The following MCM4 variants were observed in gnomAD, a reference collection of about 807,000 sequenced individuals.
MCM4 encodes the protein minichromosome maintenance complex component 4.
A neutral mutation model predicts 88.7 loss-of-function variants in MCM4; 60 were observed. That is an observed-to-expected ratio of 0.68 (90% CI 0.55 to 0.84). The LOEUF (loss-of-function observed/expected upper bound fraction) is 0.84. Ranked by LOEUF, MCM4 falls within the 40% of genes least tolerant of loss-of-function variation. The probability of loss-of-function intolerance (pLI) is 0.00; values close to 1 mark genes in which losing one functional copy is unlikely to be tolerated. For synonymous variants in MCM4, 465 were observed against 410.5 expected, an observed-to-expected ratio of 1.13 and a Z score of -1.61; for missense variants, 1,149 against 1,105.5, an observed-to-expected ratio of 1.04 and a Z score of -0.56.
In MCM4 at chr8:47,975,787, G is replaced by C; in HGVS notation, c.2438G>C (p.Gly813Ala). The C allele has an allele frequency of 6.3e-7, 1 of 1,587,038 alleles. No homozygotes were observed. Among genetic ancestry groups the C allele is most frequent in the South Asian group, 1.2e-5 (1 of 84,522 alleles). Residue 813 changes from glycine (G) to alanine (A), a missense_variant, in exon 16 of 17, where the codon GGC becomes GCC. Physicochemically the swap from Gly to Ala is moderately conservative, Grantham distance 60. Transcript: ENST00000649973. ...TTGAAAAAGCTTATTTTATCTAAGG[G>C]CAAAACACCAGCTCTAAAATACCAG... ...EALKKLILSKGKTPALKYQQL... is the reference protein window; with the variant it reads ...EALKKLILSKAKTPALKYQQL...
In MCM4 at chr8:47,960,952, G is replaced by A. The variant is rs921147935; in HGVS notation, c.-77G>A. 15 of 549,980 alleles carry A rather than the reference G, an allele frequency of 2.7e-5. No homozygotes were observed. The highest frequency in any genetic ancestry group is 3.9e-5 in the Non-Finnish European group (13 of 332,546). The allele number at this position is 549,980 out of a possible 1,614,324, so 34.1% of individuals were successfully genotyped here. On this transcript the variant is annotated 5_prime_UTR_variant, in exon 1 of 17. Coordinates refer to ENST00000649973, the MANE Select transcript of MCM4 (RefSeq NM_182746.3). ...GAACTCTGGGTCTCGCGGTTTGGGA[G>A]CGCTACTCGCCAGGTGGACTCGGAG...
chr8:47,966,532 T>A lies in MCM4; in HGVS notation c.1053+125T>A, dbSNP rs6991519. ...AATGGCATCCATCCCTCTCTGGTCT[T>A]GTGGGTTTCGTTAGTGGCCTATGGG... On this transcript the variant is annotated intron_variant, in intron 9 of 16. Coordinates refer to ENST00000649973, the MANE Select transcript of MCM4 (RefSeq NM_182746.3). 3 of 990,066 alleles carry A rather than the reference T, an allele frequency of 3.0e-6. No homozygotes were observed. The Admixed American group carries it at 7.7e-5, about 25-fold the overall frequency. 61.3% of individuals were successfully genotyped at this position (990,066 alleles called of 1,614,324 possible). A position where few individuals can be genotyped will look rare whatever the true frequency, so the allele number is the denominator to read the frequency against.
intron 9 of MCM4, among the ~76,000 whole-genome samples, chr8:47,967,099 AG>A: frequency 6.6e-6 from 1 of 152,362 alleles, no homozygotes. Context: ...TGGTTTGGAA[AG>A]GCCTTCCTCG....
intron 16 of MCM4, 43 bp from the exon 17 acceptor site, chr8:47,976,643 G>A (rs754134597): frequency 1.5e-6 from 2 of 1,356,090 alleles, no homozygotes; most frequent in Non-Finnish European, 1.1e-6. Flanking sequence ...GTAAAGGAGG[G>A]ACTTGACGTG....
rs1563836393 is a variant in MCM4, at chr8:47,974,946, A to G, written c.2349A>G (p.Ile783Met). ...ATDPRTGIVD[I>M]SILTTGMSAT... Reference sequence around the variant, plus strand: ...ATCCCCGGACTGGCATCGTGGACATATCTATTCTTACTACGGGTTCGTTAT... The same window carrying G: ...ATCCCCGGACTGGCATCGTGGACATGTCTATTCTTACTACGGGTTCGTTAT... The change falls in exon 15 of 17, where the codon ATA (isoleucine) becomes ATG (methionine). Residue 783 changes from isoleucine to methionine, a missense_variant. Physicochemically the swap from Ile to Met is conservative, Grantham distance 10 (BLOSUM62 1). Coordinates refer to ENST00000649973, the MANE Select transcript of MCM4 (RefSeq NM_182746.3). 1.2e-6 allele frequency: 2 copies of G among 1,612,548 alleles called. No individual in the cohort carries two copies. The highest frequency in any genetic ancestry group is 4.5e-5 in the East Asian group (2 of 44,854).
chr8:47,962,417 T>A lies in MCM4; in HGVS notation c.501+11T>A, dbSNP rs771032555. On this transcript the variant is annotated intron_variant, in intron 5 of 16. Transcript: ENST00000649973. ...AAAGAAAACTTTCAGGTGAGCTACA[T>A]GTATTAAAATTCTTACTTTGGGCTC... 6.2e-7 allele frequency: 1 copy of A among 1,612,974 alleles called. No homozygotes were observed. Among genetic ancestry groups the A allele is most frequent in the Non-Finnish European group, 8.5e-7 (1 of 1,179,052 alleles).
At chr8:47,967,867 C>A (rs1028998486) in intron 10 of MCM4, among the ~76,000 whole-genome samples, 3 of 152,190 alleles carry the variant, frequency 2.0e-5, no homozygotes, top group Non-Finnish European at 4.4e-5. Context: ...AGAAGTATTA[C>A]TCACCAATGC....
intron 13 of MCM4, among the ~76,000 whole-genome samples, chr8:47,972,057 C>T (rs1001932658): frequency 6.6e-6 from 1 of 151,710 alleles, no homozygotes; most frequent in African/African-American, 2.4e-5. Context: ...CTTGATGAAA[C>T]CCCATCTCTA....
chr8:47,969,784 G>C lies in MCM4; in HGVS notation c.1175-14G>C, dbSNP rs766056622. 3.1e-6 allele frequency: 5 copies of C among 1,612,962 alleles called. No homozygotes were observed. In the South Asian group the frequency reaches 5.5e-5, roughly 18 times the overall value. ...ATGGGAAGGTAAAAGTGCATCTCCT[G>C]GTTGTGCCCTCAGGCATCTATCGAG... On this transcript the variant is annotated splice_polypyrimidine_tract_variant and intron_variant, in intron 10 of 16. Coordinates refer to ENST00000649973, the MANE Select transcript of MCM4 (RefSeq NM_182746.3).
chr8:47,964,863 C>T (rs769462149), intron 8 of MCM4, 151 bp downstream of exon 8: 1 of 616,958 alleles, frequency 1.6e-6, no homozygotes, highest in South Asian at 2.4e-5. Flanking sequence ...ATTCAGTTAT[C>T]CTATATACTT....
Position 47,961,029 on chromosome 8 carries a change from G to T in MCM4, c.-15+15G>T. On this transcript the variant is annotated intron_variant, in intron 1 of 16. Coordinates refer to ENST00000649973, the MANE Select transcript of MCM4 (RefSeq NM_182746.3). ...GCCTTTCCACGGTAACCGCGCGCCG[G>T]CGGGGAGGGCGTGGCGCGGAGCCGA... 3 of 1,142,792 alleles carry T rather than the reference G, an allele frequency of 2.6e-6. No individual in the cohort carries two copies. The highest frequency in any genetic ancestry group is 3.5e-6 in the Non-Finnish European group (3 of 856,080). The allele number at this position is 1,142,792 out of a possible 1,614,324, so 70.8% of individuals were successfully genotyped here.
rs762053656 is a variant in MCM4 at position 47,966,289 on chromosome 8, C to T, written c.935C>T (p.Thr312Met). ...AFFQCQVCAH[T>M]TRVEMDRGRI... Reference sequence around the variant, plus strand: ...TTCCAGTGCCAAGTGTGTGCCCACACGACCCGGGTGGAGATGGACCGCGGC... The same window carrying T: ...TTCCAGTGCCAAGTGTGTGCCCACATGACCCGGGTGGAGATGGACCGCGGC... The change falls in exon 9 of 17, where the codon ACG (threonine) becomes ATG (methionine). Residue 312 changes from threonine to methionine, a missense_variant. Coordinates refer to ENST00000649973, the MANE Select transcript of MCM4 (RefSeq NM_182746.3). The T allele has an allele frequency of 4.1e-5, 66 of 1,613,984 alleles. No individual in the cohort carries two copies. In the South Asian group the frequency reaches 4.7e-4, roughly 12 times the overall value.
In MCM4 at chr8:47,970,710, C is replaced by T. The variant is rs1000359033; in HGVS notation, c.1634C>T (p.Ala545Val). 17 of 1,614,018 alleles carry T rather than the reference C, an allele frequency of 1.1e-5. No homozygotes were observed. The highest frequency in any genetic ancestry group is 6.6e-5 in the South Asian group (6 of 91,082). Residue 545 changes from alanine (A) to valine (V), a missense_variant, in exon 12 of 17, where the codon GCG (alanine) becomes GTG (valine). Physicochemically the swap from Ala to Val is moderately conservative, Grantham distance 64. Transcript: ENST00000649973. ...GKGSSAVGLT[A>V]YVMKDPETRQ... ...GGCTCCAGTGCAGTTGGCCTCACTGCGTACGTAATGAAAGACCCTGAGACA... is the reference window on the plus strand; with the variant it reads ...GGCTCCAGTGCAGTTGGCCTCACTGTGTACGTAATGAAAGACCCTGAGACA...
In MCM4 at chr8:47,976,745, G is replaced by T. The variant is rs926567071; in HGVS notation, c.2559G>T (p.Leu853=). ...ALRALADDDF[L]TVTGKTVRLL ...GTGCCCTGGCAGATGATGATTTCCT[G>T]ACAGTGACTGGGAAGACCGTGCGCT... The change falls in exon 17 of 17, where the codon CTG becomes CTT. Residue 853 remains leucine (L), a synonymous_variant. Transcript: ENST00000649973. 1 of 1,613,468 alleles carries T rather than the reference G, an allele frequency of 6.2e-7. No individual in the cohort carries two copies.
Position 47,960,980 on chromosome 8 carries a change from C to CGCGAGCGTCGTCG in MCM4, c.-46_-34dup, listed in dbSNP as rs1175827638. 1 of 666,512 alleles carries CGCGAGCGTCGTCG rather than the reference C, an allele frequency of 1.5e-6. No homozygotes were observed. Among genetic ancestry groups the CGCGAGCGTCGTCG allele is most frequent in the African/African-American group, 1.9e-5 (1 of 51,900 alleles). 41.3% of individuals were successfully genotyped at this position (666,512 alleles called of 1,614,324 possible). Reference sequence around the variant, plus strand: ...CTACTCGCCAGGTGGACTCGGAGTCCGCGAGCGTCGTCGGCAAGCGGCCGC... The same window carrying CGCGAGCGTCGTCG: ...CTACTCGCCAGGTGGACTCGGAGTCCGCGAGCGTCGTCGGCGAGCGTCGTCGGCAAGCGGCCGC... On this transcript the variant is annotated 5_prime_UTR_variant, in exon 1 of 17. Coordinates refer to ENST00000649973, the MANE Select transcript of MCM4 (RefSeq NM_182746.3).
At chr8:47,961,069 C>G (rs891829243) in intron 1 of MCM4, 55 bp downstream of exon 1, 1 of 1,444,546 alleles carries the variant, frequency 6.9e-7, no homozygotes, top group Admixed American at 2.4e-5. Context: ...AACGTCCGCG[C>G]TGCGGAGCAG....
intron 11 of MCM4, among the ~76,000 whole-genome samples, 169 bp downstream of exon 11, chr8:47,970,226 T>C (rs544452562): frequency 6.6e-6 from 1 of 152,226 alleles, no homozygotes; most frequent in African/African-American, 2.4e-5. Flanking sequence ...ATCATAGCAT[T>C]GTCTATCCTC....
Position 47,976,925 on chromosome 8 carries a change from T to C in MCM4, c.*147T>C. On this transcript the variant is annotated 3_prime_UTR_variant, in exon 17 of 17. Transcript: ENST00000649973. The stretch of plus-strand genomic sequence containing the variant: ...TAAAAATTTTCTAACTTGGGTTCAA[T>C]ATTTGTAGTGAAGTATCTGTTTTCA... 1 of 561,170 alleles carries C rather than the reference T, an allele frequency of 1.8e-6. No individual in the cohort carries two copies. The highest frequency in any genetic ancestry group is 3.2e-6 in the Non-Finnish European group (1 of 310,894). The allele number at this position is 561,170 out of a possible 1,614,324, so 34.8% of individuals were successfully genotyped here. A position where few individuals can be genotyped will look rare whatever the true frequency, so the allele number is the denominator to read the frequency against.
At position 47,970,591 on chromosome 8, in the gene MCM4, C is replaced by T. The variant is rs1472632986; in HGVS notation, c.1515C>T (p.Asn505=). The T allele has an allele frequency of 1.2e-6, 2 of 1,614,180 alleles. No homozygotes were observed. Among genetic ancestry groups the T allele is most frequent in the Non-Finnish European group, 1.7e-6 (2 of 1,180,028 alleles). ...TGRGKFRAEI[N]ILLCGDPGTS... ...GGGGCAAATTTCGGGCTGAGATCAA[C>T]ATCTTGCTGTGTGGCGACCCTGGTA... The change falls in exon 12 of 17, where the codon AAC becomes AAT. Residue 505 remains asparagine, a synonymous_variant. Transcript: ENST00000649973.
Sources: gnomAD v4.1 joint callset for allele counts (sites outside exome capture counted in the v4.1 genomes callset) on GRCh38, gnomAD v4.1.1 for gene constraint, MANE v1.5 for transcripts, NCBI Gene and HGNC (gene_info 2026-07-23, HGNC 2026-07-21) for gene names.